Variants in NRXN1 observed in about 807,000 individuals in gnomAD.
The protein encoded by NRXN1 is neurexin-1.
Under a neutral mutation model 150.9 loss-of-function variants are expected in NRXN1, and 39 were observed. That is an observed-to-expected ratio of 0.26 (90% CI 0.20 to 0.34). The LOEUF is 0.34. Ranked by LOEUF, NRXN1 falls within the 10% of genes least tolerant of loss-of-function variation. The pLI, the probability that NRXN1 is intolerant of heterozygous loss-of-function variation, is 1.00. For synonymous variants in NRXN1, 924 were observed against 757.0 expected (o/e 1.22, Z -3.62); for missense variants, 1,815 against 1,949.9 (o/e 0.93, Z 1.30).
intron 5 of NRXN1, among the ~76,000 whole-genome samples, chr2:50,705,716 T>G (rs1474418458): frequency 6.6e-6 from 1 of 152,142 alleles, no homozygotes; most frequent in African/African-American, 2.4e-5. Context: ...GACATTTCCT[T>G]CTAAGTACTT....
chr2:50,384,505 C>CA (rs56052881), intron 17 of NRXN1, among the ~76,000 whole-genome samples: 2,633 of 55,844 alleles, frequency 0.047, 227 homozygotes, highest in Non-Finnish European at 0.07. Flanking sequence ...GACTCCATCT[C>CA]AAAAAAAAAA....
intron 22 of NRXN1, chr2:49,926,260 G>A: frequency 5.0e-6 from 2 of 397,950 alleles, no homozygotes; most frequent in South Asian, 1.3e-4. Context: ...AAAATCCCTG[G>A]GACTCTTGCA....
At chr2:50,076,152 T>C (rs1697065680) in intron 19 of NRXN1, among the ~76,000 whole-genome samples, 1 of 152,204 alleles carries the variant, frequency 6.6e-6, no homozygotes, top group African/African-American at 2.4e-5. Flanking sequence ...AGTGTTTTGC[T>C]TGGAGTGGGT....
In NRXN1 at chr2:50,837,723, A is replaced by AT. The variant is rs531418586; in HGVS notation, c.832+84145dup. Among the ~76,000 whole-genome samples, 13 of 152,208 alleles carry AT rather than the reference A, an allele frequency of 8.5e-5. No homozygotes were observed. The South Asian group carries it at 2.5e-3, about 29-fold the overall frequency. On this transcript the variant is annotated intron_variant, in intron 5 of 22. Transcript: ENST00000401669. ...AAATATTTTAGCATAAACCAGAAAT[A>AT]TTTTTGCATAAGCCAAGAAAAGAGA...
intron 5 of NRXN1, among the ~76,000 whole-genome samples, chr2:50,862,559 G>A (rs981089221): frequency 6.6e-6 from 1 of 152,042 alleles, no homozygotes. Context: ...GACACATCAT[G>A]TTCATTTCAG....
chr2:50,800,455 G>A (rs1404982018), intron 5 of NRXN1, among the ~76,000 whole-genome samples: 1 of 152,086 alleles, frequency 6.6e-6, no homozygotes, highest in African/African-American at 2.4e-5. Flanking sequence ...AGGAACCATG[G>A]GTGTTTTGCT....
intron 2 of NRXN1, among the ~76,000 whole-genome samples, chr2:50,945,317 T>A (rs1429066702): frequency 6.6e-6 from 1 of 152,130 alleles, no homozygotes. Flanking sequence ...CTACAAAAAT[T>A]AGCTGGTGTG....
intron 5 of NRXN1, among the ~76,000 whole-genome samples, chr2:50,853,165 T>C (rs548997202): frequency 1.3e-4 from 20 of 152,166 alleles, no homozygotes; most frequent in Admixed American, 2.6e-4. Context: ...CTGAGGACTA[T>C]CTGTATATAT....
intron 8 of NRXN1, among the ~76,000 whole-genome samples, chr2:50,575,538 G>T (rs1671313424): frequency 6.6e-6 from 1 of 152,182 alleles, no homozygotes; most frequent in Non-Finnish European, 1.5e-5. Context: ...GTGTGCCAAA[G>T]AATTCTGATC....
chr2:50,179,052 C>A (rs1263865241), intron 18 of NRXN1, among the ~76,000 whole-genome samples: 1 of 151,922 alleles, frequency 6.6e-6, no homozygotes, highest in African/African-American at 2.4e-5. Context: ...TGTCTTAGTT[C>A]AAAGGAGCAA....
intron 2 of NRXN1, among the ~76,000 whole-genome samples, chr2:51,023,431 T>A (rs1669936755): frequency 6.6e-6 from 1 of 152,212 alleles, no homozygotes; most frequent in Non-Finnish European, 1.5e-5. Context: ...CTGTGCCATC[T>A]CCTGCATCAG....
At chr2:50,334,319 TGG>T (rs1467509465) in intron 17 of NRXN1, among the ~76,000 whole-genome samples, 4 of 151,740 alleles carry the variant, frequency 2.6e-5, no homozygotes, top group Non-Finnish European at 5.9e-5. Context: ...TGCATTTGTC[TGG>T]AATTACTAAC....
chr2:50,128,163 T>C (rs1704888780), intron 18 of NRXN1, among the ~76,000 whole-genome samples: 1 of 152,166 alleles, frequency 6.6e-6, no homozygotes, highest in Admixed American at 6.5e-5. Context: ...TTTGTCCTGC[T>C]CAGCACTGCC....
intron 5 of NRXN1, among the ~76,000 whole-genome samples, chr2:50,646,126 C>G (rs939808352): frequency 3.0e-4 from 46 of 151,918 alleles, no homozygotes; most frequent in Admixed American, 2.8e-3. Flanking sequence ...AAGATCTTGA[C>G]AAACTCTAGA....
intron 5 of NRXN1, among the ~76,000 whole-genome samples, chr2:50,865,435 A>C (rs1395316689): frequency 6.6e-6 from 1 of 151,836 alleles, no homozygotes. Context: ...ATTGAGGCTC[A>C]AAGAGGTCAT....
At chr2:50,239,678 A>G (rs1385278801) in intron 17 of NRXN1, among the ~76,000 whole-genome samples, 2 of 75,962 alleles carry the variant, frequency 2.6e-5, no homozygotes, top group Admixed American at 1.2e-4. Flanking sequence ...ATATATATAT[A>G]TATATATATA....
At chr2:50,531,500 G>T (rs1007707340) in intron 10 of NRXN1, 70 bp from the exon 11 acceptor site, 1 of 1,202,516 alleles carries the variant, frequency 8.3e-7, no homozygotes, top group South Asian at 1.3e-5. Flanking sequence ...AGAGGAAAAG[G>T]ATCATTTATT....
intron 19 of NRXN1, among the ~76,000 whole-genome samples, chr2:50,089,089 A>G (rs1476222604): frequency 6.6e-6 from 1 of 152,210 alleles, no homozygotes; most frequent in African/African-American, 2.4e-5. Context: ...ATTTTAACTT[A>G]GCTTAACCCA....
chr2:50,605,732 G>C (rs925733433), intron 8 of NRXN1, among the ~76,000 whole-genome samples: 4 of 152,040 alleles, frequency 2.6e-5, no homozygotes, highest in African/African-American at 4.8e-5. Flanking sequence ...AAACAGTATG[G>C]AAGTTCCTCA....
Sources: gnomAD v4.1 joint callset for allele counts (sites outside exome capture counted in the v4.1 genomes callset) on GRCh38, gnomAD v4.1.1 for gene constraint, MANE v1.5 for transcripts, NCBI Gene and HGNC (gene_info 2026-07-23, HGNC 2026-07-21) for gene names.